Variants in BEND7 observed in about 807,000 individuals in gnomAD.
BEND7 encodes the protein BEN domain-containing protein 7.
A neutral mutation model predicts 50.9 loss-of-function variants in BEND7; 28 were observed. The observed-to-expected ratio is 0.55, with a 90% CI of 0.41 to 0.75. The LOEUF is 0.75. BEND7 is among the 30% of genes least tolerant of loss of function. The pLI, the probability that BEND7 is intolerant of heterozygous loss-of-function variation, is 0.00. For synonymous variants in BEND7, 170 were observed against 183.9 expected, an observed-to-expected ratio of 0.92 and a Z score of 0.61; for missense variants, 477 against 491.3, an observed-to-expected ratio of 0.97 and a Z score of 0.28.
intron 5 of BEND7, among the ~76,000 whole-genome samples, chr10:13,484,332 T>G (rs992934273): frequency 3.9e-5 from 6 of 152,272 alleles, no homozygotes; most frequent in African/African-American, 1.4e-4. Context: ...GAAGAAAAGA[T>G]GACGTTCACT....
At chr10:13,454,195 C>T (rs1045727626) in intron 6 of BEND7, among the ~76,000 whole-genome samples, 6 of 151,970 alleles carry the variant, frequency 3.9e-5, no homozygotes, top group Non-Finnish European at 7.4e-5. Context: ...GAAAGGACAT[C>T]GCAGGCTTGG....
Position 13,492,674 on chromosome 10 carries a change from G to A in BEND7, c.774C>T (p.His258=). ...GAACGCGGCTCTCCTCCGGGGAGGT[G>A]TGCTCGGCTGCCTGGAGAGCAGATA... is the stretch of plus-strand genomic sequence containing the variant. ...SELSALQAAE[H]TSPEESRVLG... is the part of the protein sequence containing the mutation. Residue 258 remains histidine (H), a synonymous_variant, in exon 5 of 9, where the codon CAC becomes CAT. Transcript: ENST00000466271. The A allele has an allele frequency of 1.2e-6, 2 of 1,614,192 alleles. No homozygotes were observed.
rs1350699980 is a variant in BEND7, at chr10:13,492,812, T to C, written c.636A>G (p.Ser212=). The part of the protein sequence containing the change: ...SLICSQRTAV[S]RKRNKKKKVP... ...CTTTTTTCTTTTTATTTCTCTTTCG[T>C]GAGACAGCAGTTCGCTGGGAGCATA... Residue 212 remains serine, a synonymous_variant, in exon 5 of 9, where the codon TCA becomes TCG. Coordinates refer to ENST00000466271, the MANE Select transcript of BEND7 (RefSeq NM_001369863.1). The C allele has an allele frequency of 1.2e-6, 2 of 1,608,700 alleles. No homozygotes were observed. Among genetic ancestry groups the C allele is most frequent in the Admixed American group, 3.4e-5 (2 of 58,034 alleles).
At chr10:13,443,656 A>G (rs1835698039) in intron 8 of BEND7, 1 of 152,280 alleles carries the variant, frequency 6.6e-6, no homozygotes, top group Non-Finnish European at 1.5e-5. Flanking sequence ...CTATTAGAGT[A>G]TATCCACATA....
chr10:13,520,609 C>A (rs184423827), intron 2 of BEND7, among the ~76,000 whole-genome samples: 1 of 152,260 alleles, frequency 6.6e-6, no homozygotes, highest in East Asian at 1.9e-4. Flanking sequence ...GCAGCTCTGA[C>A]AAGGTGAAGA....
rs1361940243 is a variant in BEND7 at position 13,487,992 on chromosome 10, C to G, written c.837+4619G>C. Among the ~76,000 whole-genome samples the G allele has an allele frequency of 2.7e-5, 4 of 150,452 alleles. No homozygotes were observed. The East Asian group carries it at 7.9e-4, about 30-fold the overall frequency. On this transcript the variant is annotated intron_variant, in intron 5 of 8. Transcript: ENST00000466271. ...CCCATAGTCCCAGCTACTCAGGAAG[C>G]TGAGGCAGGAGAATTGCTTGAACCC...
At position 13,528,593 on chromosome 10, in the gene BEND7, G is replaced by A. The variant is rs1232844442; in HGVS notation, c.-60C>T. 1.2e-5 allele frequency: 10 copies of A among 830,258 alleles called. No homozygotes were observed. The highest frequency in any genetic ancestry group is 2.0e-5 in the African/African-American group (1 of 51,244). 51.4% of individuals were successfully genotyped at this position (830,258 alleles called of 1,614,324 possible). A position where few individuals can be genotyped will look rare whatever the true frequency, so the allele number is the denominator to read the frequency against. Reference sequence around the variant, plus strand: ...CGGCGGCAGCGGCGGCAGCGGCAGCGGCGGCAGCGGCAGCGGCGGCGCGGG... The same window carrying A: ...CGGCGGCAGCGGCGGCAGCGGCAGCAGCGGCAGCGGCAGCGGCGGCGCGGG... On this transcript the variant is annotated 5_prime_UTR_variant, in exon 1 of 9. Coordinates refer to ENST00000466271, the MANE Select transcript of BEND7 (RefSeq NM_001369863.1).
At chr10:13,471,836 T>C (rs1007294439) in intron 6 of BEND7, among the ~76,000 whole-genome samples, 1 of 152,276 alleles carries the variant, frequency 6.6e-6, no homozygotes, top group Admixed American at 6.5e-5. Context: ...GTGTGTACAG[T>C]TGATACCCAC....
intron 2 of BEND7, chr10:13,500,970 T>A (rs889405431): frequency 1.2e-5 from 4 of 346,000 alleles, no homozygotes; most frequent in African/African-American, 2.2e-5. Flanking sequence ...CTGACTTCTT[T>A]TTTTAAGATT....
chr10:13,468,577 T>C (rs918244673), intron 6 of BEND7, among the ~76,000 whole-genome samples: 1 of 152,168 alleles, frequency 6.6e-6, no homozygotes, highest in South Asian at 2.1e-4. Flanking sequence ...TGGGTGTTAC[T>C]AGGCTGTTAG....
intron 3 of BEND7, 102 bp from the exon 4 acceptor site, chr10:13,496,990 T>C: frequency 7.3e-7 from 1 of 1,365,104 alleles, no homozygotes; most frequent in Non-Finnish European, 9.6e-7. Flanking sequence ...TGGCAGGATT[T>C]TGAAGCATGT....
intron 2 of BEND7, among the ~76,000 whole-genome samples, chr10:13,522,458 A>G (rs2079146540): frequency 6.6e-6 from 1 of 152,166 alleles, no homozygotes; most frequent in Non-Finnish European, 1.5e-5. Flanking sequence ...CCATCATTAT[A>G]GGAATCATTA....
At chr10:13,506,826 C>A (rs539673617) in intron 2 of BEND7, among the ~76,000 whole-genome samples, 1 of 151,760 alleles carries the variant, frequency 6.6e-6, no homozygotes, top group Non-Finnish European at 1.5e-5. Context: ...GCTGGATTTG[C>A]TGGGGGTGGA....
At chr10:13,481,594 G>T (rs1228852646) in intron 5 of BEND7, among the ~76,000 whole-genome samples, 1 of 152,184 alleles carries the variant, frequency 6.6e-6, no homozygotes. Context: ...ACACAGATAC[G>T]GGGCTAACCC....
chr10:13,476,152 G>A (rs1448154811), intron 6 of BEND7, among the ~76,000 whole-genome samples: 2 of 151,976 alleles, frequency 1.3e-5, no homozygotes, highest in Non-Finnish European at 2.9e-5. Context: ...TGACAAATAT[G>A]GACCCTACAG....
chr10:13,509,781 A>G (rs2078148405), intron 2 of BEND7, among the ~76,000 whole-genome samples: 1 of 152,210 alleles, frequency 6.6e-6, no homozygotes, highest in African/African-American at 2.4e-5. Flanking sequence ...GCTGGAGTTA[A>G]GGCAATGAAT....
intron 5 of BEND7, among the ~76,000 whole-genome samples, chr10:13,483,300 G>A (rs1261447802): frequency 6.6e-6 from 1 of 152,122 alleles, no homozygotes; most frequent in East Asian, 1.9e-4. Context: ...TGAGCTACCA[G>A]GCGGAACTGG....
rs182269179 is a variant in BEND7 at position 13,488,067 on chromosome 10, T to G, written c.837+4544A>C. 1.3e-3 allele frequency among the ~76,000 whole-genome samples: 174 copies of G among 130,270 alleles called. 5 individuals carry two copies. The South Asian group carries it at 0.033, about 24-fold the overall frequency. The allele number at this position is 130,270 out of a possible 152,430, so 85.5% of individuals were successfully genotyped here. ...CTGCACTCCAGCCTGGACGACAGAG[T>G]GAGACTCTGTCTCAATTACAAAAAA... On this transcript the variant is annotated intron_variant, in intron 5 of 8. Coordinates refer to ENST00000466271, the MANE Select transcript of BEND7 (RefSeq NM_001369863.1).
intron 2 of BEND7, among the ~76,000 whole-genome samples, chr10:13,510,011 A>G (rs1392056719): frequency 1.3e-5 from 2 of 152,196 alleles, no homozygotes; most frequent in African/African-American, 4.8e-5. Flanking sequence ...GTGTTCCCTG[A>G]TGAGTAACTG....
Sources: allele counts gnomAD v4.1 joint callset (sites outside exome capture counted in the v4.1 genomes callset), GRCh38; gene constraint gnomAD v4.1.1; transcripts MANE v1.5; gene names NCBI Gene and HGNC (gene_info 2026-07-23, HGNC 2026-07-21).